Variants in MOS observed in about 807,000 individuals in gnomAD.
The protein encoded by MOS is MOS proto-oncogene, serine/threonine kinase.
For missense variants in MOS, 419 were observed against 459.6 expected (o/e 0.91, Z 0.81); for synonymous variants, 190 against 205.2 (o/e 0.93, Z 0.63).
Position 56,113,523 on chromosome 8 carries a change from C to CGCCGGCCAA in MOS, c.459_460insTTGGCCGGC (p.Gly153_Ala154insLeuAlaGly). 1 of 1,614,000 alleles carries CGCCGGCCAA rather than the reference C, an allele frequency of 6.2e-7. No homozygotes were observed. Among genetic ancestry groups the CGCCGGCCAA allele is most frequent in the East Asian group, 2.2e-5 (1 of 44,836 alleles). Reference sequence around the variant, plus strand: ...GCGTCCCCCTCAGGGTGGCCGGCGGCGCCATAGATGACTTGGTGTAAAGTG... The same window carrying CGCCGGCCAA: ...GCGTCCCCCTCAGGGTGGCCGGCGGCGCCGGCCAAGCCATAGATGACTTGGTGTAAAGTG... On this transcript the variant is annotated inframe_insertion, in exon 1 of 1. Transcript: ENST00000311923. This position sits in a 1 kb window ranked among gnomAD's most constrained non-coding sequence, Gnocchi z 5.7.
At position 56,113,441 on chromosome 8, in the gene MOS, T is replaced by G; in HGVS notation, c.542A>C (p.Tyr181Ser). Residue 181 changes from tyrosine to serine, a missense_variant, in exon 1 of 1, where the codon TAC (tyrosine) becomes TCC (serine). Transcript: ENST00000311923. This position sits in a 1 kb window ranked among gnomAD's most constrained non-coding sequence, Gnocchi z 5.7. The part of the protein sequence containing the change: ...GQLSLGKCLK[Y>S]SLDVVNGLLF... ...CAGGCCGTTCACAACATCTAGTGAG[T>G]ACTTGAGACACTTTCCCAAACTTAA... The G allele has an allele frequency of 6.2e-7, 1 of 1,614,008 alleles. No individual in the cohort carries two copies. The highest frequency in any genetic ancestry group is 8.5e-7 in the Non-Finnish European group (1 of 1,180,004).
In MOS at chr8:56,113,467, C is replaced by G. The variant is rs376820512; in HGVS notation, c.516G>C (p.Gln172His). The G allele has an allele frequency of 5.0e-6, 8 of 1,614,108 alleles. No individual in the cohort carries two copies. The highest frequency in any genetic ancestry group is 6.8e-6 in the Non-Finnish European group (8 of 1,180,046). ...AGEPHCRTGG[Q>H]LSLGKCLKYS... is the part of the protein sequence containing the mutation. The stretch of plus-strand genomic sequence containing the variant: ...ACTTGAGACACTTTCCCAAACTTAA[C>G]TGTCCTCCAGTGCGGCAGTGAGGCT... The change falls in exon 1 of 1, where the codon CAG (glutamine) becomes CAC (histidine). Residue 172 changes from glutamine (Q) to histidine (H), a missense_variant. Physicochemically the swap from Gln to His is conservative, Grantham distance 24. Transcript: ENST00000311923. This position sits in a 1 kb window ranked among gnomAD's most constrained non-coding sequence, Gnocchi z 5.7.
rs1467336160 is a variant in MOS, at chr8:56,113,682, G to A, written c.301C>T (p.Arg101Trp). Residue 101 changes from arginine to tryptophan, a missense_variant, in exon 1 of 1, where the codon CGG becomes TGG. Coordinates refer to ENST00000311923, the MANE Select transcript of MOS (RefSeq NM_005372.1). The surrounding 1 kb of genome is among the most constrained non-coding windows in gnomAD (Gnocchi z 5.7). ...ACGTTGAGCTCAGCCCAGAAACTCC[G>A]CCGAGATGCTAGTCGGTTCTTGGTG... ...KCTKNRLASRRSFWAELNVAR... is the reference protein window; with the variant it reads ...KCTKNRLASRWSFWAELNVAR... The A allele has an allele frequency of 1.3e-6, 2 of 1,597,348 alleles. No individual in the cohort carries two copies. Among genetic ancestry groups the A allele is most frequent in the African/African-American group, 1.4e-5 (1 of 73,886 alleles).
Position 56,113,925 on chromosome 8 carries a change from C to T in MOS, c.58G>A (p.Asp20Asn). The T allele has an allele frequency of 6.3e-7, 1 of 1,579,410 alleles. No individual in the cohort carries two copies. Among genetic ancestry groups the T allele is most frequent in the Non-Finnish European group, 8.5e-7 (1 of 1,170,070 alleles). ...GAGGGACTGCTGCAGGGCCGCGCGT[C>T]CACCGATGGGGAAAACTCGCTCCGG... ...YLRSEFSPSV[D>N]ARPCSSPSEL... The change falls in exon 1 of 1, where the codon GAC becomes AAC. Residue 20 changes from aspartate (D) to asparagine (N), a missense_variant. Transcript: ENST00000311923. The surrounding 1 kb of genome is among the most constrained non-coding windows in gnomAD (Gnocchi z 5.7).
rs142302263 is a variant in MOS at position 56,113,933 on chromosome 8, G to A, written c.50C>T (p.Pro17Leu). 2.9e-5 allele frequency: 46 copies of A among 1,578,284 alleles called. No individual in the cohort carries two copies. The African/African-American group carries it at 5.5e-4, about 19-fold the overall frequency. ...LRPYLRSEFS[P>L]SVDARPCSSP... ...GCTGCAGGGCCGCGCGTCCACCGAT[G>A]GGGAAAACTCGCTCCGGAGGTAGGG... Residue 17 changes from proline to leucine, a missense_variant, in exon 1 of 1, where the codon CCA becomes CTA. Pro to Leu is a moderately conservative substitution (Grantham distance 98). Coordinates refer to ENST00000311923, the MANE Select transcript of MOS (RefSeq NM_005372.1). This position sits in a 1 kb window ranked among gnomAD's most constrained non-coding sequence, Gnocchi z 5.7.
In MOS at chr8:56,113,481, G is replaced by T. The variant is rs1266153644; in HGVS notation, c.502C>A (p.Arg168Ser). 1 of 1,614,000 alleles carries T rather than the reference G, an allele frequency of 6.2e-7. No individual in the cohort carries two copies. The highest frequency in any genetic ancestry group is 1.1e-5 in the South Asian group (1 of 91,074). The change falls in exon 1 of 1, where the codon CGC becomes AGC. Residue 168 changes from arginine to serine, a missense_variant. By Grantham distance (110) the Arg-to-Ser change is moderately radical (BLOSUM62 -1). Transcript: ENST00000311923. The surrounding 1 kb of genome is among the most constrained non-coding windows in gnomAD (Gnocchi z 5.7). ...PEGDAGEPHCRTGGQLSLGKC... is the reference protein window; with the variant it reads ...PEGDAGEPHCSTGGQLSLGKC... ...CCCAAACTTAACTGTCCTCCAGTGC[G>T]GCAGTGAGGCTCCCCTGCGTCCCCC...
chr8:56,113,017 T>G lies in MOS; in HGVS notation c.966A>C (p.Arg322Ser), dbSNP rs764384763. Reference protein sequence around the residue: ...RLGDVIQRCWRPSAAQRPSAR... With the variant: ...RLGDVIQRCWSPSAAQRPSAR... The stretch of plus-strand genomic sequence containing the variant: ...CGCTCGGCCTCTGCGCCGCGCTGGG[T>G]CTCCAGCAGCGCTGGATGACGTCCC... Residue 322 changes from arginine to serine, a missense_variant, in exon 1 of 1, where the codon AGA becomes AGC. Physicochemically the swap from Arg to Ser is moderately radical, Grantham distance 110. Coordinates refer to ENST00000311923, the MANE Select transcript of MOS (RefSeq NM_005372.1). The surrounding 1 kb of genome is among the most constrained non-coding windows in gnomAD (Gnocchi z 5.7). 6.3e-7 allele frequency: 1 copy of G among 1,585,940 alleles called. No homozygotes were observed. The highest frequency in any genetic ancestry group is 1.1e-5 in the South Asian group (1 of 87,474).
chr8:56,112,984 C>T lies in MOS; in HGVS notation c.999G>A (p.Leu333=). 3.2e-6 allele frequency: 5 copies of T among 1,574,454 alleles called. No homozygotes were observed. The South Asian group carries it at 3.5e-5, about 11-fold the overall frequency. Residue 333 remains leucine, a synonymous_variant, in exon 1 of 1, where the codon CTG becomes CTA. Transcript: ENST00000311923. ...PSAAQRPSAR[L]LLVDLTSLKA... Reference sequence around the variant, plus strand: ...TCAAAGAGGTGAGATCCACCAAAAGCAGCCGCGCGCTCGGCCTCTGCGCCG... The same window carrying T: ...TCAAAGAGGTGAGATCCACCAAAAGTAGCCGCGCGCTCGGCCTCTGCGCCG...
In MOS at chr8:56,113,154, C is replaced by A. The variant is rs1810521382; in HGVS notation, c.829G>T (p.Ala277Ser). Residue 277 changes from alanine (A) to serine (S), a missense_variant, in exon 1 of 1, where the codon GCG becomes TCG. Physicochemically the swap from Ala to Ser is moderately conservative, Grantham distance 99. Transcript: ENST00000311923. This position sits in a 1 kb window ranked among gnomAD's most constrained non-coding sequence, Gnocchi z 5.7. Reference sequence around the variant, plus strand: ...TGCTGCCGCTCCCCCGAATACGGCGCCTGCTTGGTAGTCATTTGCCAGAGA... The same window carrying A: ...TGCTGCCGCTCCCCCGAATACGGCGACTGCTTGGTAGTCATTTGCCAGAGA... Reference protein sequence around the residue: ...ITLWQMTTKQAPYSGERQHIL... With the variant: ...ITLWQMTTKQSPYSGERQHIL... 6.2e-7 allele frequency: 1 copy of A among 1,613,956 alleles called. No individual in the cohort carries two copies. The highest frequency in any genetic ancestry group is 8.5e-7 in the Non-Finnish European group (1 of 1,180,034).
rs770953539 is a variant in MOS at position 56,113,181 on chromosome 8, T to C, written c.802A>G (p.Thr268Ala). ...TGCTTGGTAGTCATTTGCCAGAGAG[T>C]GATGGCAAAGGAATAAATGTCGGCT... ...PKADIYSFAITLWQMTTKQAP... is the reference protein window; with the variant it reads ...PKADIYSFAIALWQMTTKQAP... The change falls in exon 1 of 1, where the codon ACT (threonine) becomes GCT (alanine). Residue 268 changes from threonine (T) to alanine (A), a missense_variant. Transcript: ENST00000311923. This position sits in a 1 kb window ranked among gnomAD's most constrained non-coding sequence, Gnocchi z 5.7. 10 of 1,613,898 alleles carry C rather than the reference T, an allele frequency of 6.2e-6. No homozygotes were observed. Among genetic ancestry groups the C allele is most frequent in the Non-Finnish European group, 6.8e-6 (8 of 1,180,002 alleles).
rs780117512 is a variant in MOS at position 56,113,412 on chromosome 8, A to G, written c.571T>C (p.Phe191Leu). Residue 191 changes from phenylalanine (F) to leucine (L), a missense_variant, in exon 1 of 1, where the codon TTC (phenylalanine) becomes CTC (leucine). By Grantham distance (22) the Phe-to-Leu change is conservative (BLOSUM62 0). Coordinates refer to ENST00000311923, the MANE Select transcript of MOS (RefSeq NM_005372.1). This position sits in a 1 kb window ranked among gnomAD's most constrained non-coding sequence, Gnocchi z 5.7. ...YSLDVVNGLL[F>L]LHSQSIVHLD... ...TGCACAATGCTTTGCGAGTGGAGGA[A>G]GAGCAGGCCGTTCACAACATCTAGT... is the stretch of plus-strand genomic sequence containing the variant. The G allele has an allele frequency of 1.2e-6, 2 of 1,614,102 alleles. No individual in the cohort carries two copies. Among genetic ancestry groups the G allele is most frequent in the Non-Finnish European group, 1.7e-6 (2 of 1,180,034 alleles).
Position 56,113,006 on chromosome 8 carries a change from G to C in MOS, c.977C>G (p.Ala326Gly). Residue 326 changes from alanine (A) to glycine (G), a missense_variant, in exon 1 of 1, where the codon GCG becomes GGG. Coordinates refer to ENST00000311923, the MANE Select transcript of MOS (RefSeq NM_005372.1). This position sits in a 1 kb window ranked among gnomAD's most constrained non-coding sequence, Gnocchi z 5.7. Reference sequence around the variant, plus strand: ...AAGCAGCCGCGCGCTCGGCCTCTGCGCCGCGCTGGGTCTCCAGCAGCGCTG... The same window carrying C: ...AAGCAGCCGCGCGCTCGGCCTCTGCCCCGCGCTGGGTCTCCAGCAGCGCTG... ...VIQRCWRPSAAQRPSARLLLV... is the reference protein window; with the variant it reads ...VIQRCWRPSAGQRPSARLLLV... The C allele has an allele frequency of 6.3e-7, 1 of 1,582,110 alleles. No individual in the cohort carries two copies. Among genetic ancestry groups the C allele is most frequent in the Non-Finnish European group, 8.6e-7 (1 of 1,165,348 alleles).
At position 56,113,029 on chromosome 8, in the gene MOS, C is replaced by G. The variant is rs13277260; in HGVS notation, c.954G>C (p.Gln318His). ...GCGCCGCGCTGGGTCTCCAGCAGCG[C>G]TGGATGACGTCCCCAAGGCGCTGCC... Reference protein sequence around the residue: ...LPGQRLGDVIQRCWRPSAAQR... With the variant: ...LPGQRLGDVIHRCWRPSAAQR... The change falls in exon 1 of 1, where the codon CAG becomes CAC. Residue 318 changes from glutamine to histidine, a missense_variant. Transcript: ENST00000311923. The surrounding 1 kb of genome is among the most constrained non-coding windows in gnomAD (Gnocchi z 5.7). The G allele has an allele frequency of 6.3e-7, 1 of 1,592,756 alleles. No homozygotes were observed.
rs761515530 is a variant in MOS, at chr8:56,113,496, C to T, written c.487G>A (p.Gly163Arg). The change falls in exon 1 of 1, where the codon GGG (glycine) becomes AGG (arginine). Residue 163 changes from glycine to arginine, a missense_variant. Physicochemically the swap from Gly to Arg is moderately radical, Grantham distance 125 (BLOSUM62 -2). Coordinates refer to ENST00000311923, the MANE Select transcript of MOS (RefSeq NM_005372.1). The surrounding 1 kb of genome is among the most constrained non-coding windows in gnomAD (Gnocchi z 5.7). ...GAAGHPEGDA[G>R]EPHCRTGGQL... The stretch of plus-strand genomic sequence containing the variant: ...CCTCCAGTGCGGCAGTGAGGCTCCC[C>T]TGCGTCCCCCTCAGGGTGGCCGGCG... 6.2e-7 allele frequency: 1 copy of T among 1,614,086 alleles called. No individual in the cohort carries two copies. The highest frequency in any genetic ancestry group is 2.2e-5 in the East Asian group (1 of 44,856).
rs373686087 is a variant in MOS, at chr8:56,113,014, G to C, written c.969C>G (p.Pro323=). 1.9e-5 allele frequency: 30 copies of C among 1,583,834 alleles called. No homozygotes were observed. Among genetic ancestry groups the C allele is most frequent in the Non-Finnish European group, 2.6e-5 (30 of 1,166,144 alleles). ...GCGCGCTCGGCCTCTGCGCCGCGCT[G>C]GGTCTCCAGCAGCGCTGGATGACGT... ...LGDVIQRCWR[P]SAAQRPSARL... is the part of the protein sequence containing the mutation. The change falls in exon 1 of 1, where the codon CCC becomes CCG. Residue 323 remains proline (P), a synonymous_variant. Transcript: ENST00000311923. The surrounding 1 kb of genome is among the most constrained non-coding windows in gnomAD (Gnocchi z 5.7).
chr8:56,113,053 C>T lies in MOS; in HGVS notation c.930G>A (p.Gly310=), dbSNP rs780799761. 18 of 1,600,684 alleles carry T rather than the reference C, an allele frequency of 1.1e-5. No homozygotes were observed. The Admixed American group carries it at 1.9e-4, about 17-fold the overall frequency. Residue 310 remains glycine, a synonymous_variant, in exon 1 of 1, where the codon GGG becomes GGA. Transcript: ENST00000311923. This position sits in a 1 kb window ranked among gnomAD's most constrained non-coding sequence, Gnocchi z 5.7. ...SAAVFEDSLP[G]QRLGDVIQRC... ...GCTGGATGACGTCCCCAAGGCGCTGCCCGGGGAGCGAGTCCTCGAAGACGG... is the reference window on the plus strand; with the variant it reads ...GCTGGATGACGTCCCCAAGGCGCTGTCCGGGGAGCGAGTCCTCGAAGACGG...
Position 56,113,509 on chromosome 8 carries a change from A to T in MOS, c.474T>A (p.Pro158=). ...HQVIYGAAGH[P]EGDAGEPHCR... is the part of the protein sequence containing the mutation. ...AGTGAGGCTCCCCTGCGTCCCCCTC[A>T]GGGTGGCCGGCGGCGCCATAGATGA... The change falls in exon 1 of 1, where the codon CCT becomes CCA. Residue 158 remains proline, a synonymous_variant. Transcript: ENST00000311923. The surrounding 1 kb of genome is among the most constrained non-coding windows in gnomAD (Gnocchi z 5.7). 2 of 1,613,924 alleles carry T rather than the reference A, an allele frequency of 1.2e-6. No homozygotes were observed. Among genetic ancestry groups the T allele is most frequent in the Admixed American group, 3.3e-5 (2 of 60,006 alleles).
At position 56,113,768 on chromosome 8, in the gene MOS, C is replaced by A. The variant is rs781765618; in HGVS notation, c.215G>T (p.Gly72Val). The change falls in exon 1 of 1, where the codon GGC becomes GTC. Residue 72 changes from glycine (G) to valine (V), a missense_variant. By Grantham distance (109) the Gly-to-Val change is moderately radical (BLOSUM62 -3). Transcript: ENST00000311923. The surrounding 1 kb of genome is among the most constrained non-coding windows in gnomAD (Gnocchi z 5.7). ...GCGGTAAGTCGCCTTGTACACCGAG[C>A]CAAACCCTCCAGCTCCCAGCCTCTG... ...LLQRLGAGGF[G>V]SVYKATYRGV... 3 of 1,613,908 alleles carry A rather than the reference C, an allele frequency of 1.9e-6. No homozygotes were observed. Among genetic ancestry groups the A allele is most frequent in the Non-Finnish European group, 2.5e-6 (3 of 1,179,954 alleles).
rs1452209435 is a variant in MOS, at chr8:56,113,483, C to G, written c.500G>C (p.Cys167Ser). ...CAAACTTAACTGTCCTCCAGTGCGG[C>G]AGTGAGGCTCCCCTGCGTCCCCCTC... is the stretch of plus-strand genomic sequence containing the variant. ...HPEGDAGEPH[C>S]RTGGQLSLGK... is the part of the protein sequence containing the mutation. Residue 167 changes from cysteine (C) to serine (S), a missense_variant, in exon 1 of 1, where the codon TGC becomes TCC. By Grantham distance (112) the Cys-to-Ser change is moderately radical (BLOSUM62 -1). Transcript: ENST00000311923. This position sits in a 1 kb window ranked among gnomAD's most constrained non-coding sequence, Gnocchi z 5.7. 2 of 1,613,936 alleles carry G rather than the reference C, an allele frequency of 1.2e-6. No individual in the cohort carries two copies. Among genetic ancestry groups the G allele is most frequent in the Admixed American group, 1.7e-5 (1 of 60,006 alleles).
Sources: gnomAD v4.1 joint callset for allele counts on GRCh38, gnomAD v4.1.1 for gene constraint, Gnocchi (gnomAD v3.1) non-coding constraint, MANE v1.5 for transcripts, NCBI Gene and HGNC (gene_info 2026-07-23, HGNC 2026-07-21) for gene names.